The following APTX variants were observed in gnomAD, a reference collection of about 807,000 sequenced individuals.
APTX encodes the protein forkhead-associated domain histidine triad-like protein.
Under a neutral mutation model 42.3 loss-of-function variants are expected in APTX, and 33 were observed. That is an observed-to-expected ratio of 0.78 (90% confidence interval 0.59 to 1.04). APTX has a LOEUF of 1.04. Ranked by LOEUF, APTX falls within the 50% of genes least tolerant of loss-of-function variation. The pLI is 0.00. For missense variants in APTX, 421 were observed against 415.1 expected (o/e 1.01, Z -0.12); for synonymous variants, 130 against 146.7 (o/e 0.89, Z 0.82).
At chr9:33,006,647 GTAT>G (rs754712606) in intron 1 of APTX, among the ~76,000 whole-genome samples, 1 of 152,120 alleles carries the variant, frequency 6.6e-6, no homozygotes, top group Non-Finnish European at 1.5e-5. Context: ...GGGGAAAGCT[GTAT>G]TAGTCAGAGT....
chr9:33,001,366 T>A, intron 1 of APTX: 1 of 1,529,916 alleles, frequency 6.5e-7, no homozygotes, highest in South Asian at 1.2e-5. Context: ...AAACGCAAAG[T>A]GGGTCGAAGA....
At chr9:32,974,435 G>T (rs1380698900) in intron 7 of APTX, 23 bp downstream of exon 7, 2 of 1,403,862 alleles carry the variant, frequency 1.4e-6, no homozygotes, top group South Asian at 1.2e-5. Flanking sequence ...AAACAAATGT[G>T]AAAACCAAGG....
chr9:33,022,822 C>G (rs1228483267), intron 1 of APTX, among the ~76,000 whole-genome samples: 4 of 152,126 alleles, frequency 2.6e-5, no homozygotes, highest in African/African-American at 9.7e-5. Flanking sequence ...CGTAAGAATG[C>G]TTCTTAAAAG....
At chr9:32,989,333 C>T (rs1832981904) in intron 2 of APTX, among the ~76,000 whole-genome samples, 1 of 152,094 alleles carries the variant, frequency 6.6e-6, no homozygotes, top group Non-Finnish European at 1.5e-5. Context: ...GTTATTAAAC[C>T]CTAAGACAAG....
intron 1 of APTX, among the ~76,000 whole-genome samples, chr9:33,013,524 GA>G (rs1837682129): frequency 6.6e-6 from 1 of 152,156 alleles, no homozygotes; most frequent in Non-Finnish European, 1.5e-5. Flanking sequence ...TGCTCATGGA[GA>G]GCCAGGCGTG....
At chr9:32,974,330 CTT>C in intron 7 of APTX, 126 bp downstream of exon 7, 1 of 698,796 alleles carries the variant, frequency 1.4e-6, no homozygotes, top group South Asian at 1.6e-5. Context: ...ACAGGGCTCG[CTT>C]TATAGGGAAC....
In APTX at chr9:32,972,692, C is replaced by T. The variant is rs113556331; in HGVS notation, c.*806G>A. 2.3e-3 allele frequency: 1,037 copies of T among 445,914 alleles called. 9 individuals are homozygous for T. The highest frequency in any genetic ancestry group is 0.019 in the African/African-American group (957 of 49,834). 27.6% of individuals were successfully genotyped at this position (445,914 alleles called of 1,614,324 possible). A position where few individuals can be genotyped will look rare whatever the true frequency, so the allele number is the denominator to read the frequency against. ...ACTTTTTCATTCACCAACCACCTTT[C>T]CATGCATCAGAACCTATGCTGTGAT... On this transcript the variant is annotated 3_prime_UTR_variant, in exon 8 of 8. Transcript: ENST00000379817.
At chr9:32,979,152 A>G (rs1484376119) in intron 6 of APTX, among the ~76,000 whole-genome samples, 1 of 152,146 alleles carries the variant, frequency 6.6e-6, no homozygotes, top group East Asian at 1.9e-4. Context: ...TAATAAGCAT[A>G]GTACCCCATA....
chr9:33,005,304 A>C (rs1436723221), upstream of APTX, among the ~76,000 whole-genome samples: 1 of 152,168 alleles, frequency 6.6e-6, no homozygotes, highest in Non-Finnish European at 1.5e-5. Flanking sequence ...TTTTGGTGTT[A>C]TATCCAAGAA....
At chr9:33,007,894 G>A (rs768814068) in intron 1 of APTX, among the ~76,000 whole-genome samples, 21 of 150,602 alleles carry the variant, frequency 1.4e-4, no homozygotes, top group Non-Finnish European at 2.7e-4. Context: ...GGGGTACTCT[G>A]CCTATCAACC....
chr9:33,003,755 A>G (rs1242688180), upstream of APTX, among the ~76,000 whole-genome samples: 1 of 152,172 alleles, frequency 6.6e-6, no homozygotes, highest in Non-Finnish European at 1.5e-5. Flanking sequence ...GTAAAATCAG[A>G]CAGTATTTGC....
chr9:33,017,931 C>G (rs1005993938), intron 1 of APTX, among the ~76,000 whole-genome samples: 1 of 78,180 alleles, frequency 1.3e-5, no homozygotes, highest in East Asian at 3.8e-4. Flanking sequence ...AACCAGCGCC[C>G]CCCCCCCCCT....
intron 1 of APTX, 108 bp downstream of exon 1, chr9:33,001,459 C>G (rs1354684266): frequency 3.2e-6 from 5 of 1,584,290 alleles, no homozygotes; most frequent in Non-Finnish European, 4.3e-6. Context: ...CGCATGAAAG[C>G]AGCGTCATTC....
At chr9:32,992,836 A>G (rs1456628800) in intron 1 of APTX, among the ~76,000 whole-genome samples, 3 of 152,232 alleles carry the variant, frequency 2.0e-5, no homozygotes, top group African/African-American at 7.2e-5. Flanking sequence ...GTCTCTGTGA[A>G]GGAGCTGATG....
intron 1 of APTX, among the ~76,000 whole-genome samples, chr9:33,017,140 G>A (rs12375624): frequency 0.42 from 63,631 of 151,950 alleles, 13,590 homozygotes; most frequent in African/African-American, 0.48. Context: ...ATTTAATTCA[G>A]TGTGGACACT....
chr9:33,000,044 T>A (rs575100599), intron 1 of APTX, among the ~76,000 whole-genome samples: 3 of 152,254 alleles, frequency 2.0e-5, no homozygotes, highest in African/African-American at 7.2e-5. Context: ...TATAGAACAG[T>A]GGCGAAGATC....
chr9:32,987,588 A>G lies in APTX; in HGVS notation c.439T>C (p.Cys147Arg), dbSNP rs188945659. The change falls in exon 4 of 8, where the codon TGC becomes CGC. Residue 147 changes from cysteine (C) to arginine (R), a missense_variant. By Grantham distance (180) the Cys-to-Arg change is radical (BLOSUM62 -3). Transcript: ENST00000379817. ...TTTCCCTTCTTTAGGGGCACAGAGCATTGGCCAGAGTTGCTCCCAGGTTCC... is the reference window on the plus strand; with the variant it reads ...TTTCCCTTCTTTAGGGGCACAGAGCGTTGGCCAGAGTTGCTCCCAGGTTCC... ...GLEPGSNSGQ[C>R]SVPLKKGKDA... 1 of 1,614,158 alleles carries G rather than the reference A, an allele frequency of 6.2e-7. No individual in the cohort carries two copies. Among genetic ancestry groups the G allele is most frequent in the Non-Finnish European group, 8.5e-7 (1 of 1,180,036 alleles).
intron 2 of APTX, among the ~76,000 whole-genome samples, chr9:32,988,686 G>A (rs10813915): frequency 0.046 from 3,261 of 70,514 alleles, 289 homozygotes; most frequent in Middle Eastern, 0.05. Context: ...ATCTCAGGAG[G>A]AAAAAAAAAA....
At chr9:33,019,926 G>C (rs79273005) in intron 1 of APTX, 10 of 502,970 alleles carry the variant, frequency 2.0e-5, no homozygotes, top group South Asian at 1.8e-4. Flanking sequence ...AAGGGGGTCG[G>C]GAAAGGCACG....
Sources: gnomAD v4.1 joint callset for allele counts (sites outside exome capture counted in the v4.1 genomes callset) on GRCh38, gnomAD v4.1.1 for gene constraint, MANE v1.5 for transcripts, NCBI Gene and HGNC (gene_info 2026-07-23, HGNC 2026-07-21) for gene names.